The following TSNARE1 variants were observed in gnomAD, a reference collection of about 807,000 sequenced individuals.
TSNARE1 encodes the protein t-SNARE domain containing 1.
A neutral mutation model predicts 62.0 loss-of-function variants in TSNARE1; 49 were observed. That is an observed-to-expected ratio of 0.79 (90% CI 0.63 to 1.00). The LOEUF (loss-of-function observed/expected upper bound fraction) is 1.00, where lower values mean the gene tolerates loss of function less well. Ranked by LOEUF, TSNARE1 falls within the 50% of genes least tolerant of loss-of-function variation. The pLI is 0.00. For synonymous variants in TSNARE1, 328 were observed against 294.4 expected (o/e 1.11, Z -1.17); for missense variants, 755 against 700.1 (o/e 1.08, Z -0.88).
intron 12 of TSNARE1, among the ~76,000 whole-genome samples, chr8:142,268,014 CT>C (rs1439491106): frequency 6.6e-6 from 1 of 152,254 alleles, no homozygotes; most frequent in Non-Finnish European, 1.5e-5. Context: ...CAGGCCACCC[CT>C]GGCCCACATC....
At chr8:142,376,880 C>T (rs1836384932) in intron 1 of TSNARE1, among the ~76,000 whole-genome samples, 1 of 152,250 alleles carries the variant, frequency 6.6e-6, no homozygotes, top group Admixed American at 6.5e-5. Flanking sequence ...CCAACAGCTT[C>T]AGGCTGATCA....
intron 9 of TSNARE1, among the ~76,000 whole-genome samples, chr8:142,300,916 G>C (rs1213711299): frequency 6.6e-6 from 1 of 152,170 alleles, no homozygotes; most frequent in Non-Finnish European, 1.5e-5. Context: ...AAGTGGGGGT[G>C]TAGGGGCCCG....
chr8:142,370,098 CAGAT>C (rs1835820296), intron 1 of TSNARE1, among the ~76,000 whole-genome samples: 1 of 152,216 alleles, frequency 6.6e-6, no homozygotes. Context: ...CGTGAGGACA[CAGAT>C]AGAAGGCCCC....
chr8:142,235,047 C>T (rs1038330607), intron 12 of TSNARE1, among the ~76,000 whole-genome samples: 1 of 152,148 alleles, frequency 6.6e-6, no homozygotes, highest in African/African-American at 2.4e-5. Flanking sequence ...AGAAACGGAG[C>T]AGGAGAAAAC....
chr8:142,224,253 C>G (rs1434238250), intron 13 of TSNARE1, among the ~76,000 whole-genome samples: 1 of 152,204 alleles, frequency 6.6e-6, no homozygotes, highest in Non-Finnish European at 1.5e-5. Flanking sequence ...AGCTGGGACC[C>G]GGAATGGCTC....
chr8:142,217,668 C>T (rs1815950249), intron 13 of TSNARE1, among the ~76,000 whole-genome samples: 1 of 152,240 alleles, frequency 6.6e-6, no homozygotes, highest in African/African-American at 2.4e-5. Context: ...AATGAAGGGT[C>T]AGGGCTAGTC....
At chr8:142,403,068 C>A (rs1838423480) in intron 1 of TSNARE1, 36 bp downstream of exon 1, 1 of 148,544 alleles carries the variant, frequency 6.7e-6, no homozygotes, top group African/African-American at 2.4e-5. Flanking sequence ...CACGCCCGGC[C>A]CCGGCCAGGC....
intron 13 of TSNARE1, among the ~76,000 whole-genome samples, chr8:142,222,840 TCATTCATC>T (rs200710932): frequency 6.6e-6 from 1 of 150,592 alleles, no homozygotes; most frequent in African/African-American, 2.5e-5. Context: ...ATTCACTCAC[TCATTCATC>T]CACTCACTCA....
intron 12 of TSNARE1, chr8:142,274,154 G>A: frequency 1.0e-6 from 1 of 985,438 alleles, no homozygotes; most frequent in Non-Finnish European, 1.2e-6. Flanking sequence ...CTGCCCGTCA[G>A]GGCCAGTGGG....
rs527520055 is a variant in TSNARE1, at chr8:142,383,263, G to A, written c.-40+19841C>T. Among the ~76,000 whole-genome samples the A allele has an allele frequency of 2.0e-5, 3 of 152,340 alleles. No individual in the cohort carries two copies. In the South Asian group the frequency reaches 6.2e-4, roughly 32 times the overall value. On this transcript the variant is annotated intron_variant, in intron 1 of 13. Coordinates refer to ENST00000524325, the MANE Select transcript of TSNARE1 (RefSeq NM_145003.5). ...AGGCTGGTCAGCAGCAGCTGAGAGA[G>A]AGCTGGAGAAAGACAGGCCAGGGCA...
At chr8:142,285,065 A>C (rs1180624888) in intron 10 of TSNARE1, among the ~76,000 whole-genome samples, 3 of 152,234 alleles carry the variant, frequency 2.0e-5, no homozygotes, top group African/African-American at 7.2e-5. Flanking sequence ...GGAGTGGACA[A>C]AAGGGTGGAT....
chr8:142,224,709 A>G (rs1236529582), intron 13 of TSNARE1, among the ~76,000 whole-genome samples: 1 of 135,942 alleles, frequency 7.4e-6, no homozygotes, highest in Non-Finnish European at 1.6e-5. Context: ...TGTGGCTGTC[A>G]GAGCCAGGGA....
intron 13 of TSNARE1, among the ~76,000 whole-genome samples, chr8:142,214,156 C>T (rs975005418): frequency 1.3e-5 from 2 of 152,170 alleles, no homozygotes; most frequent in East Asian, 1.9e-4. Flanking sequence ...AGGGAGCAGG[C>T]GATGACGCTG....
intron 12 of TSNARE1, among the ~76,000 whole-genome samples, chr8:142,233,514 T>A (rs1357537064): frequency 1.3e-5 from 2 of 152,118 alleles, no homozygotes; most frequent in Non-Finnish European, 2.9e-5. Flanking sequence ...CCCTGCATCA[T>A]GGGATCACAG....
chr8:142,365,183 C>T (rs867688254), intron 1 of TSNARE1, among the ~76,000 whole-genome samples: 29 of 152,306 alleles, frequency 1.9e-4, no homozygotes, highest in South Asian at 6.2e-4. Context: ...CAGAGAAGAA[C>T]ACCACTTCCA....
chr8:142,217,164 A>C (rs990482564), intron 13 of TSNARE1, among the ~76,000 whole-genome samples: 1 of 151,802 alleles, frequency 6.6e-6, no homozygotes, highest in Admixed American at 6.6e-5. Flanking sequence ...AATCACTTGA[A>C]CCCTGGGAGG....
intron 1 of TSNARE1, among the ~76,000 whole-genome samples, chr8:142,360,333 C>T (rs1239376505): frequency 6.6e-6 from 1 of 152,120 alleles, no homozygotes; most frequent in African/African-American, 2.4e-5. Flanking sequence ...AAGGGCAGAG[C>T]GGGCACTGGC....
chr8:142,274,715 G>A (rs1242217029), intron 12 of TSNARE1, 66 bp downstream of exon 12: 8 of 1,423,236 alleles, frequency 5.6e-6, no homozygotes, highest in East Asian at 2.8e-5. Flanking sequence ...ACAGACGGAG[G>A]GAGGGTTGGA....
At chr8:142,281,161 ATGAG>A (rs1447772940) in intron 11 of TSNARE1, among the ~76,000 whole-genome samples, 2 of 152,052 alleles carry the variant, frequency 1.3e-5, no homozygotes, top group Non-Finnish European at 2.9e-5. Context: ...TGGAGGGAGA[ATGAG>A]TGGGTGGGGT....
Sources: gnomAD v4.1 joint callset for allele counts (sites outside exome capture counted in the v4.1 genomes callset) on GRCh38, gnomAD v4.1.1 for gene constraint, MANE v1.5 for transcripts, NCBI Gene and HGNC (gene_info 2026-07-23, HGNC 2026-07-21) for gene names.